Variants in DTNA observed in about 807,000 individuals in gnomAD.
DTNA encodes the protein dystrophin-related protein 3.
In DTNA, 43 loss-of-function variants were observed where a neutral mutation model predicts 100.7. The ratio of observed to expected loss-of-function variants is 0.43; its 90% CI spans 0.33 to 0.55. DTNA has a LOEUF of 0.55. Ranked by LOEUF, DTNA falls within the 20% of genes least tolerant of loss-of-function variation. The pLI, the probability that DTNA is intolerant of heterozygous loss-of-function variation, is 0.04. For synonymous variants in DTNA, 349 were observed against 347.9 expected, an observed-to-expected ratio of 1.00 and a Z score of -0.04; for missense variants, 798 against 953.9, an observed-to-expected ratio of 0.84 and a Z score of 2.15.
chr18:34,691,346 A>G (rs2079733460), intron 1 of DTNA, among the ~76,000 whole-genome samples: 1 of 152,184 alleles, frequency 6.6e-6, no homozygotes, highest in Non-Finnish European at 1.5e-5. Flanking sequence ...CTCCTTTTAC[A>G]AGATTGCTTA....
intron 7 of DTNA, among the ~76,000 whole-genome samples, chr18:34,816,407 GA>G (rs1039872206): frequency 2.0e-5 from 3 of 150,612 alleles, no homozygotes; most frequent in Admixed American, 1.3e-4. Context: ...GGAGAAATGA[GA>G]AAAAAAAATA....
intron 1 of DTNA, among the ~76,000 whole-genome samples, chr18:34,673,946 C>T (rs2077085030): frequency 6.6e-6 from 1 of 152,156 alleles, no homozygotes; most frequent in Non-Finnish European, 1.5e-5. Flanking sequence ...AAGTAGGCAA[C>T]TGAAAAGTGA....
At chr18:34,633,299 T>C (rs1423554902) in intron 1 of DTNA, among the ~76,000 whole-genome samples, 1 of 152,184 alleles carries the variant, frequency 6.6e-6, no homozygotes, top group African/African-American at 2.4e-5. Context: ...AGCATATTTA[T>C]AGTAATTAAT....
chr18:34,542,592 A>G (rs1368702799), intron 1 of DTNA, among the ~76,000 whole-genome samples: 1 of 152,046 alleles, frequency 6.6e-6, no homozygotes, highest in Non-Finnish European at 1.5e-5. Context: ...CAAAGTTTTC[A>G]GTTCATGTTG....
At chr18:34,722,256 TAA>T (rs2085499391) in intron 1 of DTNA, among the ~76,000 whole-genome samples, 1 of 152,150 alleles carries the variant, frequency 6.6e-6, no homozygotes, top group Non-Finnish European at 1.5e-5. Context: ...TTATAAGCTA[TAA>T]TCACAATTAA....
At chr18:34,739,291 T>C (rs12957349) in intron 1 of DTNA, among the ~76,000 whole-genome samples, 14,507 of 152,220 alleles carry the variant, frequency 0.095, 880 homozygotes, top group Non-Finnish European at 0.14. Flanking sequence ...TAGTTCTTTT[T>C]CTTTTCTTAA....
At chr18:34,763,519 T>C (rs1233421177) in intron 2 of DTNA, among the ~76,000 whole-genome samples, 1 of 152,160 alleles carries the variant, frequency 6.6e-6, no homozygotes, top group Non-Finnish European at 1.5e-5. Context: ...TATATAGAAG[T>C]GCATATGATT....
At chr18:34,837,540 A>G (rs1333545856) in intron 11 of DTNA, among the ~76,000 whole-genome samples, 1 of 152,240 alleles carries the variant, frequency 6.6e-6, no homozygotes, top group East Asian at 1.9e-4. Context: ...ATAACAATAT[A>G]TATGTATAAG....
chr18:34,554,716 G>C (rs1398147820), intron 1 of DTNA, among the ~76,000 whole-genome samples: 2 of 141,180 alleles, frequency 1.4e-5, no homozygotes, highest in African/African-American at 2.7e-5. Context: ...TGCATCCCAG[G>C]GATGAAGCCC....
chr18:34,818,706 G>A, intron 8 of DTNA: 1 of 1,027,856 alleles, frequency 9.7e-7, no homozygotes, highest in Non-Finnish European at 1.2e-6. Context: ...ATTATTGTTA[G>A]TTTTATTTTT....
At chr18:34,850,510 T>C (rs1451483885) in intron 14 of DTNA, among the ~76,000 whole-genome samples, 1 of 152,190 alleles carries the variant, frequency 6.6e-6, no homozygotes, top group Non-Finnish European at 1.5e-5. Flanking sequence ...GACAGCTTTA[T>C]AAAAGCAAAA....
At chr18:34,541,256 A>C (rs1043855827) in intron 1 of DTNA, among the ~76,000 whole-genome samples, 1 of 152,108 alleles carries the variant, frequency 6.6e-6, no homozygotes, top group South Asian at 2.1e-4. Flanking sequence ...GCATAGTTAC[A>C]GGAGTCTAGG....
rs1376828569 is a variant in DTNA, at chr18:34,890,922, C to T, written c.*3188C>T. On this transcript the variant is annotated 3_prime_UTR_variant, in exon 23 of 23. Transcript: ENST00000444659. ...TTTTATTTTGATCATCTTTGTCCAC[C>T]CTTATTAGTTCTTGGCTGTTAACCG... The T allele has an allele frequency of 1.3e-5, 2 of 155,070 alleles. No individual in the cohort carries two copies. Among genetic ancestry groups the T allele is most frequent in the African/African-American group, 4.8e-5 (2 of 41,378 alleles). 9.6% of individuals were successfully genotyped at this position (155,070 alleles called of 1,614,324 possible).
chr18:34,494,891 T>G (rs1418720087), intron 1 of DTNA, among the ~76,000 whole-genome samples: 4 of 148,438 alleles, frequency 2.7e-5, no homozygotes, highest in African/African-American at 1.0e-4. Flanking sequence ...AAAATAATGG[T>G]TTTTTTTTTC....
chr18:34,790,564 TATA>T lies in DTNA; in HGVS notation c.149-3472_149-3470del, dbSNP rs201663050. On this transcript the variant is annotated intron_variant, in intron 3 of 22. Coordinates refer to ENST00000444659, the MANE Select transcript of DTNA (RefSeq NM_001386795.1). ...AAGCAGCATACTATATATATATATATATATTTTTTTTTTTTTTTTTTTTTTGAG... is the reference window on the plus strand; with the variant it reads ...AAGCAGCATACTATATATATATATATTTTTTTTTTTTTTTTTTTTTTTGAG... Among the ~76,000 whole-genome samples the T allele has an allele frequency of 9.9e-3, 788 of 79,622 alleles. 30 individuals carry two copies. Among genetic ancestry groups the T allele is most frequent in the East Asian group, 0.025 (71 of 2,816 alleles). The allele number at this position is 79,622 out of a possible 152,430, so 52.2% of individuals were successfully genotyped here.
intron 3 of DTNA, among the ~76,000 whole-genome samples, chr18:34,792,341 T>C: frequency 6.6e-6 from 1 of 152,196 alleles, no homozygotes. Context: ...GCTCATTTGT[T>C]ATTATAATGG....
intron 1 of DTNA, among the ~76,000 whole-genome samples, chr18:34,686,721 T>C (rs966125358): frequency 1.3e-5 from 2 of 152,198 alleles, no homozygotes; most frequent in South Asian, 4.1e-4. Flanking sequence ...TGGTACCAGC[T>C]CCTCTTTTTA....
chr18:34,734,316 T>C (rs1358206512), intron 1 of DTNA, among the ~76,000 whole-genome samples: 1 of 152,130 alleles, frequency 6.6e-6, no homozygotes, highest in Non-Finnish European at 1.5e-5. Context: ...ATGTTGACTC[T>C]ACTGGGGATG....
chr18:34,761,488 A>G (rs1032259348), intron 2 of DTNA, among the ~76,000 whole-genome samples: 1 of 152,152 alleles, frequency 6.6e-6, no homozygotes, highest in Non-Finnish European at 1.5e-5. Context: ...AGGTGGAAGG[A>G]AAGAAGGGAG....
Sources: gnomAD v4.1 joint callset for allele counts (sites outside exome capture counted in the v4.1 genomes callset) on GRCh38, gnomAD v4.1.1 for gene constraint, MANE v1.5 for transcripts, NCBI Gene and HGNC (gene_info 2026-07-23, HGNC 2026-07-21) for gene names.